Variants in NEO1 observed in about 807,000 individuals in gnomAD.
NEO1 encodes neogenin.
NEO1 carries 63 observed loss-of-function variants against 159.7 expected under a neutral mutation model. That is an observed-to-expected ratio of 0.39 (90% CI 0.32 to 0.49). The LOEUF is 0.49. NEO1 is among the 20% of genes least tolerant of loss of function. The pLI, the probability that NEO1 is intolerant of heterozygous loss-of-function variation, is 0.85. For missense variants in NEO1, 1,615 were observed against 1,831.0 expected (o/e 0.88, Z 2.15); for synonymous variants, 633 against 662.0 (o/e 0.96, Z 0.67).
At chr15:73,195,280 G>A (rs1448677438) in intron 7 of NEO1, among the ~76,000 whole-genome samples, 1 of 152,102 alleles carries the variant, frequency 6.6e-6, no homozygotes, top group African/African-American at 2.4e-5. Context: ...TCTTTTAATT[G>A]GTAGTTATAT....
At chr15:73,112,051 A>G (rs931582619) in intron 1 of NEO1, among the ~76,000 whole-genome samples, 1 of 152,088 alleles carries the variant, frequency 6.6e-6, no homozygotes, top group African/African-American at 2.4e-5. Flanking sequence ...TTCCTCTCCC[A>G]GTAACCAGTA....
intron 1 of NEO1, among the ~76,000 whole-genome samples, chr15:73,100,682 C>T (rs1036646657): frequency 5.3e-5 from 8 of 152,136 alleles, no homozygotes; most frequent in East Asian, 1.9e-4. Context: ...ACTCATCTGC[C>T]TAGAAAAGTT....
Position 73,189,121 on chromosome 15 carries a change from A to AT in NEO1, c.1291+10696dup, listed in dbSNP as rs377199724. Reference sequence around the variant, plus strand: ...CCCTACCCATGCAAAAATAAACTTCATTATTAGGCAAAAATGACATCTTAC... The same window carrying AT: ...CCCTACCCATGCAAAAATAAACTTCATTTATTAGGCAAAAATGACATCTTAC... On this transcript the variant is annotated intron_variant, in intron 7 of 28. Coordinates refer to ENST00000261908, the MANE Select transcript of NEO1 (RefSeq NM_002499.4). Among the ~76,000 whole-genome samples, 275 of 152,296 alleles carry AT rather than the reference A, an allele frequency of 1.8e-3. 1 individual carries two copies. The highest frequency in any genetic ancestry group is 6.4e-3 in the African/African-American group (268 of 41,566).
At chr15:73,103,916 A>G (rs2070537941) in intron 1 of NEO1, among the ~76,000 whole-genome samples, 2 of 152,208 alleles carry the variant, frequency 1.3e-5, no homozygotes, top group African/African-American at 4.8e-5. Flanking sequence ...ACGCAGTGGC[A>G]TGATCATGGC....
At chr15:73,247,125 G>A (rs527736664) in intron 9 of NEO1, among the ~76,000 whole-genome samples, 1 of 152,306 alleles carries the variant, frequency 6.6e-6, no homozygotes, top group African/African-American at 2.4e-5. Flanking sequence ...TCTGGTGAGG[G>A]TATTTTAGGG....
chr15:73,219,941 T>A (rs1251474042), intron 7 of NEO1, among the ~76,000 whole-genome samples: 2 of 152,036 alleles, frequency 1.3e-5, no homozygotes, highest in Non-Finnish European at 2.9e-5. Context: ...TTAATATTGT[T>A]ATGTGTGAAT....
At chr15:73,076,718 C>T (rs1342873726) in intron 1 of NEO1, among the ~76,000 whole-genome samples, 1 of 152,160 alleles carries the variant, frequency 6.6e-6, no homozygotes, top group African/African-American at 2.4e-5. Context: ...CTTTTGTTAA[C>T]TGATTTTTTT....
chr15:73,066,321 T>C (rs868038926), intron 1 of NEO1, among the ~76,000 whole-genome samples: 10 of 79,286 alleles, frequency 1.3e-4, no homozygotes, highest in African/African-American at 2.0e-4. Flanking sequence ...ACCTGGCCTC[T>C]TTTTTTTTTT....
chr15:73,240,006 G>T (rs1425206929), intron 8 of NEO1, among the ~76,000 whole-genome samples: 1 of 152,136 alleles, frequency 6.6e-6, no homozygotes, highest in Non-Finnish European at 1.5e-5. Flanking sequence ...ACATCTAGTG[G>T]ATAGAGGCCA....
At chr15:73,276,542 T>C (rs1361162096) in intron 21 of NEO1, among the ~76,000 whole-genome samples, 1 of 152,210 alleles carries the variant, frequency 6.6e-6, no homozygotes, top group African/African-American at 2.4e-5. Context: ...TAAAGTAATA[T>C]GTGTGGACAA....
intron 26 of NEO1, among the ~76,000 whole-genome samples, chr15:73,295,404 T>G (rs1461397329): frequency 6.6e-6 from 1 of 151,700 alleles, no homozygotes; most frequent in Non-Finnish European, 1.5e-5. Flanking sequence ...TGGTCCTGCC[T>G]GAGTGGATGG....
At chr15:73,156,350 G>A (rs1485380956) in intron 5 of NEO1, among the ~76,000 whole-genome samples, 2 of 152,144 alleles carry the variant, frequency 1.3e-5, no homozygotes, top group African/African-American at 2.4e-5. Flanking sequence ...AGTGGTGGTG[G>A]GCTAAGTATG....
chr15:73,246,392 A>T (rs117989442), intron 9 of NEO1, among the ~76,000 whole-genome samples: 1 of 152,190 alleles, frequency 6.6e-6, no homozygotes. Context: ...TGAATTTTAC[A>T]GTTACCTATG....
intron 26 of NEO1, among the ~76,000 whole-genome samples, chr15:73,297,732 GA>G (rs2042432752): frequency 1.3e-5 from 2 of 152,214 alleles, no homozygotes; most frequent in African/African-American, 2.4e-5. Context: ...TTCCTTCTCT[GA>G]ATCAAAAATG....
chr15:73,275,822 G>A (rs2041393136), intron 21 of NEO1, among the ~76,000 whole-genome samples: 1 of 152,176 alleles, frequency 6.6e-6, no homozygotes, highest in African/African-American at 2.4e-5. Context: ...TAGGAAGTCA[G>A]CTAATGCTAG....
chr15:73,054,778 G>A (rs987228111), intron 1 of NEO1, among the ~76,000 whole-genome samples: 2 of 152,156 alleles, frequency 1.3e-5, no homozygotes, highest in African/African-American at 4.8e-5. Flanking sequence ...AGGAGGGGTT[G>A]GTCAGTTCTG....
Position 73,270,074 on chromosome 15 carries a change from CATG to C in NEO1, c.2563_2565del (p.Met855del). ...ACACTCCAGTGCCAGATCCCACTCC[CATG>C]ATGCCACCAGTGGGAGTTCAGGCTT... On this transcript the variant is annotated inframe_deletion, in exon 17 of 29. Coordinates refer to ENST00000261908, the MANE Select transcript of NEO1 (RefSeq NM_002499.4). 6.2e-7 allele frequency: 1 copy of C among 1,614,186 alleles called. No homozygotes were observed. The highest frequency in any genetic ancestry group is 8.5e-7 in the Non-Finnish European group (1 of 1,180,028).
At chr15:73,195,683 A>G (rs2036497069) in intron 7 of NEO1, among the ~76,000 whole-genome samples, 1 of 152,204 alleles carries the variant, frequency 6.6e-6, no homozygotes, top group Non-Finnish European at 1.5e-5. Context: ...TATAGCATGT[A>G]TCTGAACATT....
intron 1 of NEO1, among the ~76,000 whole-genome samples, chr15:73,066,111 A>G (rs1029438737): frequency 2.0e-5 from 3 of 147,764 alleles, no homozygotes; most frequent in African/African-American, 7.4e-5. Context: ...GGCTCACTGC[A>G]GGTTCATGCC....
Sources: gnomAD v4.1 joint callset for allele counts (sites outside exome capture counted in the v4.1 genomes callset) on GRCh38, gnomAD v4.1.1 for gene constraint, MANE v1.5 for transcripts, NCBI Gene and HGNC (gene_info 2026-07-23, HGNC 2026-07-21) for gene names.